CAMK4: variants seen among roughly 807,000 people sequenced by gnomAD.
The protein encoded by CAMK4 is calcium/calmodulin-dependent protein kinase type IV.
CAMK4 carries 22 observed loss-of-function variants against 44.9 expected under a neutral mutation model. The observed-to-expected ratio is 0.49, with a 90% CI of 0.35 to 0.70. The LOEUF is 0.70. Ranked by LOEUF, CAMK4 falls within the 30% of genes least tolerant of loss-of-function variation. The probability of loss-of-function intolerance (pLI) is 0.01; values close to 1 mark genes in which losing one functional copy is unlikely to be tolerated. For missense variants in CAMK4, 498 were observed against 586.8 expected (o/e 0.85, Z 1.56); for synonymous variants, 218 against 215.4 (o/e 1.01, Z -0.11).
chr5:111,298,936 C>T (rs986345134), intron 1 of CAMK4, among the ~76,000 whole-genome samples: 51 of 152,346 alleles, frequency 3.3e-4, no homozygotes, highest in Admixed American at 4.6e-4. Context: ...GCCTTATTGA[C>T]GACCACCTGC....
intron 1 of CAMK4, among the ~76,000 whole-genome samples, chr5:111,295,600 AGCTATAATGGAATTATGGCT>A (rs1747449364): frequency 6.6e-6 from 1 of 152,232 alleles, no homozygotes; most frequent in African/African-American, 2.4e-5. Context: ...TTTAGGGAAA[AGCTATAATGGAATTATGGCT>A]CATGGAACAC....
chr5:111,277,482 T>C (rs1750818013), intron 1 of CAMK4: 2 of 152,212 alleles, frequency 1.3e-5, no homozygotes, highest in African/African-American at 2.4e-5. Context: ...CTAGAAGCTA[T>C]CTTATTTTTA....
chr5:111,345,933 ATGT>A (rs1304948092), intron 2 of CAMK4, among the ~76,000 whole-genome samples: 1 of 152,000 alleles, frequency 6.6e-6, no homozygotes, highest in Admixed American at 6.6e-5. Flanking sequence ...TGTAAGGCAG[ATGT>A]TGTCAAACAC....
intron 1 of CAMK4, among the ~76,000 whole-genome samples, chr5:111,325,889 G>A (rs776260017): frequency 1.3e-5 from 2 of 152,148 alleles, no homozygotes; most frequent in East Asian, 1.9e-4. Context: ...ATAATTAAAG[G>A]AGATCTGGTA....
intron 5 of CAMK4, among the ~76,000 whole-genome samples, chr5:111,443,320 T>C (rs1462920100): frequency 7.4e-6 from 1 of 135,228 alleles, no homozygotes; most frequent in African/African-American, 2.9e-5. Flanking sequence ...ACACACTATA[T>C]ATATATACTA....
intron 1 of CAMK4, among the ~76,000 whole-genome samples, chr5:111,327,544 A>C (rs1363539267): frequency 2.3e-3 from 346 of 152,222 alleles, no homozygotes; most frequent in Non-Finnish European, 3.7e-3. Flanking sequence ...TGGCTGGGTC[A>C]AATGGTATTT....
chr5:111,353,093 A>G (rs1750181653), intron 2 of CAMK4, among the ~76,000 whole-genome samples: 2 of 152,100 alleles, frequency 1.3e-5, no homozygotes, highest in Admixed American at 1.3e-4. Context: ...CACAGAGTAT[A>G]TGGTTTATAG....
At chr5:111,453,519 T>C (rs932509645) in intron 7 of CAMK4, among the ~76,000 whole-genome samples, 15 of 151,402 alleles carry the variant, frequency 9.9e-5, no homozygotes, top group African/African-American at 3.6e-4. Flanking sequence ...ATAGAAGGAG[T>C]TGGAAATGAG....
rs1014030447 is a variant in CAMK4, at chr5:111,484,368, A to G, written c.1324A>G (p.Lys442Glu). ...GGAGGGCCTAGCAGAGGAGAAGCTG[A>G]AGACTGTGGAGGAGGCAGCAGCTCC... Reference protein sequence around the residue: ...LEEGLAEEKLKTVEEAAAPRE... With the variant: ...LEEGLAEEKLETVEEAAAPRE... Residue 442 changes from lysine to glutamate, a missense_variant, in exon 11 of 11, where the codon AAG (lysine) becomes GAG (glutamate). This residue lies in a region of CAMK4 where 143 missense variants were observed against 144.9 expected (regional missense o/e 0.99). Transcript: ENST00000282356. This position sits in a 1 kb window ranked among gnomAD's most constrained non-coding sequence, Gnocchi z 5.3. 1 of 1,608,798 alleles carries G rather than the reference A, an allele frequency of 6.2e-7. No homozygotes were observed. Among genetic ancestry groups the G allele is most frequent in the Non-Finnish European group, 8.5e-7 (1 of 1,177,726 alleles).
At chr5:111,363,842 C>A (rs926794688) in intron 2 of CAMK4, among the ~76,000 whole-genome samples, 2 of 152,090 alleles carry the variant, frequency 1.3e-5, no homozygotes, top group African/African-American at 4.8e-5. Flanking sequence ...TATACTTACT[C>A]TAAGCACAGT....
intron 1 of CAMK4, among the ~76,000 whole-genome samples, chr5:111,274,595 T>C (rs1200086937): frequency 2.0e-5 from 3 of 152,164 alleles, no homozygotes; most frequent in African/African-American, 2.4e-5. Flanking sequence ...CAGGGTGGAT[T>C]TGGATAAGAA....
At position 111,490,669 on chromosome 5, in the gene CAMK4, T is replaced by A. The variant is rs1755787550; in HGVS notation, c.*6203T>A. ...TACTGCCTCCTTTTAACCTGACCTA[T>A]TTTATATACCTACAATACAGTTAAT... On this transcript the variant is annotated 3_prime_UTR_variant, in exon 11 of 11. Transcript: ENST00000282356. 1 of 152,142 alleles carries A rather than the reference T, an allele frequency of 6.6e-6. No homozygotes were observed. The highest frequency in any genetic ancestry group is 2.4e-5 in the African/African-American group (1 of 41,440). The allele number at this position is 152,142 out of a possible 1,614,324, so 9.4% of individuals were successfully genotyped here. A position where few individuals can be genotyped will look rare whatever the true frequency, so the allele number is the denominator to read the frequency against.
chr5:111,484,019 C>A lies in CAMK4; in HGVS notation c.982-7C>A, dbSNP rs1755522058. ...GTAACACTTGACACTCTTCTGTTTC[C>A]AATCAGGCAGCGGTGAAGGCTGTGG... On this transcript the variant is annotated splice_region_variant and splice_polypyrimidine_tract_variant and intron_variant, in intron 10 of 10. Coordinates refer to ENST00000282356, the MANE Select transcript of CAMK4 (RefSeq NM_001744.6). This position sits in a 1 kb window ranked among gnomAD's most constrained non-coding sequence, Gnocchi z 5.3. 1.9e-6 allele frequency: 3 copies of A among 1,553,376 alleles called. No individual in the cohort carries two copies. The highest frequency in any genetic ancestry group is 2.6e-6 in the Non-Finnish European group (3 of 1,151,064).
chr5:111,473,469 A>G, intron 8 of CAMK4, 83 bp downstream of exon 8: 2 of 880,000 alleles, frequency 2.3e-6, no homozygotes, highest in Non-Finnish European at 3.7e-6. Flanking sequence ...CATAAAAACC[A>G]TAAAGATTAC....
rs1372341593 is a variant in CAMK4, at chr5:111,351,612, G to A, written c.240+7510G>A. The stretch of plus-strand genomic sequence containing the variant: ...TTTTTAGTAGAGATGGGGTTTCACC[G>A]TATTGGCCAGACTGGTCTCGAACTC... On this transcript the variant is annotated intron_variant, in intron 2 of 10. Coordinates refer to ENST00000282356, the MANE Select transcript of CAMK4 (RefSeq NM_001744.6). Among the ~76,000 whole-genome samples the A allele has an allele frequency of 7.9e-5, 12 of 151,282 alleles. 1 individual carries two copies. Among genetic ancestry groups the A allele is most frequent in the Admixed American group, 4.0e-4 (6 of 15,176 alleles).
At chr5:111,311,716 C>T (rs1273914669) in intron 1 of CAMK4, among the ~76,000 whole-genome samples, 1 of 152,152 alleles carries the variant, frequency 6.6e-6, no homozygotes. Flanking sequence ...ATTTTTTCCT[C>T]AAAGACATCA....
At chr5:111,396,009 G>C (rs773484635) in intron 5 of CAMK4, among the ~76,000 whole-genome samples, 2 of 152,032 alleles carry the variant, frequency 1.3e-5, no homozygotes, top group Non-Finnish European at 2.9e-5. Flanking sequence ...CAGAAGCACA[G>C]GTCCTATGAG....
At chr5:111,463,915 G>C (rs1302815283) in intron 7 of CAMK4, among the ~76,000 whole-genome samples, 1 of 151,806 alleles carries the variant, frequency 6.6e-6, no homozygotes, top group African/African-American at 2.4e-5. Flanking sequence ...AACAATTCTG[G>C]TAATATGACA....
chr5:111,398,676 C>A (rs1022570280), intron 5 of CAMK4, among the ~76,000 whole-genome samples: 1 of 152,086 alleles, frequency 6.6e-6, no homozygotes, highest in Non-Finnish European at 1.5e-5. Flanking sequence ...CCCACATTTC[C>A]GTCTTTGTAA....
Sources: gnomAD v4.1 joint callset for allele counts (sites outside exome capture counted in the v4.1 genomes callset) on GRCh38, gnomAD v4.1.1 for gene constraint, gnomAD v4.1.1 regional missense constraint, Gnocchi (gnomAD v3.1) non-coding constraint, MANE v1.5 for transcripts, NCBI Gene and HGNC (gene_info 2026-07-23, HGNC 2026-07-21) for gene names.